PTPRT: variants seen among roughly 807,000 people sequenced by gnomAD.
PTPRT encodes protein tyrosine phosphatase receptor type T, also known as receptor-type tyrosine-protein phosphatase T.
PTPRT carries 56 observed loss-of-function variants against 176.8 expected under a neutral mutation model. The observed-to-expected ratio is 0.32, with a 90% CI of 0.26 to 0.40. PTPRT has a LOEUF of 0.40. PTPRT is among the 10% of genes least tolerant of loss of function. The pLI, the probability that PTPRT is intolerant of heterozygous loss-of-function variation, is 1.00. For missense variants in PTPRT, 1,540 were observed against 1,908.2 expected, an observed-to-expected ratio of 0.81 and a Z score of 3.60; for synonymous variants, 783 against 739.0, an observed-to-expected ratio of 1.06 and a Z score of -0.96.
intron 1 of PTPRT, among the ~76,000 whole-genome samples, chr20:42,988,073 A>T (rs184120422): frequency 6.6e-6 from 1 of 152,152 alleles, no homozygotes; most frequent in African/African-American, 2.4e-5. Context: ...GATCACACAC[A>T]TCAGCCCTGG....
rs184990765 is a variant in PTPRT, at chr20:42,615,521, T to C, written c.1153+62345A>G. 3.6e-5 allele frequency among the ~76,000 whole-genome samples: 5 copies of C among 139,056 alleles called. 1 individual carries two copies. Among genetic ancestry groups the C allele is most frequent in the African/African-American group, 6.2e-5 (2 of 32,178 alleles). 91.2% of individuals were successfully genotyped at this position (139,056 alleles called of 152,430 possible). A position where few individuals can be genotyped will look rare whatever the true frequency, so the allele number is the denominator to read the frequency against. On this transcript the variant is annotated intron_variant, in intron 7 of 30. Transcript: ENST00000373187. ...CCTGAGGAATCGCCACAGTGACTTC[T>C]ACAATGGTTGAACTGGATTACAGTC...
intron 6 of PTPRT, among the ~76,000 whole-genome samples, chr20:42,732,880 C>T (rs1225067254): frequency 3.9e-5 from 6 of 152,178 alleles, no homozygotes; most frequent in African/African-American, 1.4e-4. Flanking sequence ...TTTTAATACA[C>T]TACAAAAGAT....
rs139056574 is a variant in PTPRT at position 42,475,374 on chromosome 20, T to C, written c.1154-2812A>G. On this transcript the variant is annotated intron_variant, in intron 7 of 30. Transcript: ENST00000373187. The stretch of plus-strand genomic sequence containing the variant: ...AGTTGCACTCTCTATGTTGAAAATC[T>C]CACTACCTGGGAGGAAGGCATCACT... Among the ~76,000 whole-genome samples the C allele has an allele frequency of 1.1e-3, 170 of 152,292 alleles. 2 individuals carry two copies. In the East Asian group the frequency reaches 0.03, roughly 27 times the overall value.
intron 9 of PTPRT, among the ~76,000 whole-genome samples, chr20:42,370,467 G>C (rs1256451666): frequency 1.3e-5 from 2 of 152,156 alleles, no homozygotes; most frequent in Non-Finnish European, 2.9e-5. Context: ...CTACACTCAA[G>C]AACGGTAGGA....
At chr20:42,828,739 G>C (rs746660596) in intron 2 of PTPRT, among the ~76,000 whole-genome samples, 26 of 152,288 alleles carry the variant, frequency 1.7e-4, no homozygotes, top group Non-Finnish European at 3.1e-4. Context: ...ATGTGGTGTT[G>C]AGCCTGAGGG....
intron 7 of PTPRT, among the ~76,000 whole-genome samples, chr20:42,568,388 C>T (rs2073085069): frequency 6.6e-6 from 1 of 152,140 alleles, no homozygotes; most frequent in Non-Finnish European, 1.5e-5. Context: ...TTATCCTCCA[C>T]TTTACAGGTG....
In PTPRT at chr20:42,075,362, A is replaced by AT. The variant is rs548595416; in HGVS notation, c.*5516dup. 417 of 228,868 alleles carry AT rather than the reference A, an allele frequency of 1.8e-3. No homozygotes were observed. The highest frequency in any genetic ancestry group is 6.2e-3 in the African/African-American group (281 of 45,092). 14.2% of individuals were successfully genotyped at this position (228,868 alleles called of 1,614,324 possible). On this transcript the variant is annotated 3_prime_UTR_variant, in exon 31 of 31. Transcript: ENST00000373187. ...AACCTACCCTCCAGTTGGGTTGACC[A>AT]TTTTTTTCCCTGGGGATCCTGGCCC...
intron 7 of PTPRT, among the ~76,000 whole-genome samples, chr20:42,648,767 C>T (rs988604946): frequency 2.7e-5 from 4 of 150,860 alleles, no homozygotes; most frequent in Non-Finnish European, 5.9e-5. Context: ...TAAAGACATA[C>T]CTAAGAGTGG....
intron 1 of PTPRT, among the ~76,000 whole-genome samples, chr20:42,914,105 T>C (rs1344369212): frequency 4.6e-5 from 7 of 152,236 alleles, no homozygotes; most frequent in East Asian, 1.9e-4. Context: ...TTCACTTGTG[T>C]AGTTGTCCTC....
chr20:42,863,250 A>C (rs2145799004), intron 2 of PTPRT, among the ~76,000 whole-genome samples: 1 of 152,318 alleles, frequency 6.6e-6, no homozygotes, highest in South Asian at 2.1e-4. Context: ...ATGATCTTAA[A>C]ATTTTGTAAA....
At chr20:42,115,779 G>T (rs1987242739) in intron 21 of PTPRT, among the ~76,000 whole-genome samples, 1 of 152,294 alleles carries the variant, frequency 6.6e-6, no homozygotes, top group East Asian at 1.9e-4. Flanking sequence ...GCAAAGATGA[G>T]AATAAAAGGT....
At chr20:42,052,998 A>C in the PTPRT span, among the ~76,000 whole-genome samples, 1 of 152,096 alleles carries the variant, frequency 6.6e-6, no homozygotes, top group Non-Finnish European at 1.5e-5. Flanking sequence ...CAATGCGTCA[A>C]CTCTGCCATA....
Position 42,565,592 on chromosome 20 carries a change from C to T in PTPRT, c.1154-93030G>A, listed in dbSNP as rs17809522. Among the ~76,000 whole-genome samples, 1,370 of 152,106 alleles carry T rather than the reference C, an allele frequency of 9.0e-3. 5 individuals carry two copies. Among genetic ancestry groups the T allele is most frequent in the Non-Finnish European group, 0.015 (1,038 of 67,988 alleles). ...ACTTGCTCTTTTCAGGTAGAATGAA[C>T]GAATTTGGGGAAAAGCCTAACTTTT... On this transcript the variant is annotated intron_variant, in intron 7 of 30. Coordinates refer to ENST00000373187, the MANE Select transcript of PTPRT (RefSeq NM_007050.6).
intron 6 of PTPRT, among the ~76,000 whole-genome samples, chr20:42,740,204 T>A (rs949039819): frequency 2.0e-5 from 3 of 152,030 alleles, no homozygotes; most frequent in Admixed American, 6.5e-5. Context: ...ACTTATCCCA[T>A]CAGCATGTAG....
chr20:42,386,325 T>C (rs1264353058), intron 9 of PTPRT, among the ~76,000 whole-genome samples: 2 of 152,040 alleles, frequency 1.3e-5, no homozygotes, highest in African/African-American at 4.8e-5. Context: ...AGTGGTATAA[T>C]TGAAAAACTG....
At chr20:42,446,615 T>TGA (rs1413890807) in intron 9 of PTPRT, among the ~76,000 whole-genome samples, 12 of 148,146 alleles carry the variant, frequency 8.1e-5, no homozygotes, top group South Asian at 2.2e-4. Flanking sequence ...TGTGTGTGTG[T>TGA]GTGTGTGAGA....
chr20:43,112,121 A>T (rs948248038), intron 1 of PTPRT, among the ~76,000 whole-genome samples: 3 of 152,238 alleles, frequency 2.0e-5, no homozygotes, highest in African/African-American at 7.2e-5. Flanking sequence ...GTTTAGCAGG[A>T]ACTAGAGCCA....
At chr20:42,654,046 G>A (rs1226561060) in intron 7 of PTPRT, among the ~76,000 whole-genome samples, 1 of 152,142 alleles carries the variant, frequency 6.6e-6, no homozygotes, top group African/African-American at 2.4e-5. Flanking sequence ...AAGGGAGCAG[G>A]ACAGGACAGG....
At chr20:42,615,069 A>G (rs1367581391) in intron 7 of PTPRT, among the ~76,000 whole-genome samples, 5 of 125,580 alleles carry the variant, frequency 4.0e-5, no homozygotes, top group Non-Finnish European at 8.3e-5. Context: ...TATATCTCCC[A>G]ATGCTATCCC....
Sources: allele counts gnomAD v4.1 joint callset (sites outside exome capture counted in the v4.1 genomes callset), GRCh38; gene constraint gnomAD v4.1.1; transcripts MANE v1.5; gene names NCBI Gene and HGNC (gene_info 2026-07-23, HGNC 2026-07-21).